Variants in BMPR1B observed in about 807,000 individuals in gnomAD.
BMPR1B encodes bone morphogenetic protein receptor type 1B, also known as bone morphogenetic protein receptor type-1B.
Under a neutral mutation model 59.1 loss-of-function variants are expected in BMPR1B, and 12 were observed. The observed-to-expected ratio is 0.20, with a 90% CI of 0.13 to 0.33. BMPR1B has a LOEUF of 0.33. BMPR1B is among the 10% of genes least tolerant of loss of function. BMPR1B has a pLI of 1.00. For missense variants in BMPR1B, 550 were observed against 610.9 expected, an observed-to-expected ratio of 0.90 and a Z score of 1.05; for synonymous variants, 237 against 207.3, an observed-to-expected ratio of 1.14 and a Z score of -1.23.
chr4:95,095,345 T>G (rs1730290120), intron 3 of BMPR1B, among the ~76,000 whole-genome samples: 1 of 152,142 alleles, frequency 6.6e-6, no homozygotes, highest in East Asian at 1.9e-4. Context: ...TTTAAACTAG[T>G]TTTGGTTAAG....
chr4:94,990,661 A>G (rs1290203597), intron 2 of BMPR1B, among the ~76,000 whole-genome samples: 4 of 146,008 alleles, frequency 2.7e-5, no homozygotes, highest in Admixed American at 7.1e-5. Flanking sequence ...CTCAACCTCT[A>G]TGCTGGAATG....
chr4:95,003,737 A>G (rs1034084711), intron 3 of BMPR1B, among the ~76,000 whole-genome samples: 1 of 151,526 alleles, frequency 6.6e-6, no homozygotes, highest in Non-Finnish European at 1.5e-5. Context: ...AAGTAACATG[A>G]TAACCTCACA....
intron 2 of BMPR1B, among the ~76,000 whole-genome samples, chr4:94,970,813 A>G (rs1730764687): frequency 1.3e-5 from 2 of 152,260 alleles, no homozygotes; most frequent in African/African-American, 4.8e-5. Context: ...TCTTCCAGCT[A>G]TTATGAAATA....
chr4:94,932,444 A>T (rs943491193), intron 2 of BMPR1B, among the ~76,000 whole-genome samples: 2 of 152,198 alleles, frequency 1.3e-5, no homozygotes, highest in Admixed American at 6.6e-5. Flanking sequence ...ACTTTAAAAA[A>T]GTTGGCAATG....
chr4:95,033,174 A>G (rs1452509879), intron 3 of BMPR1B, among the ~76,000 whole-genome samples: 1 of 152,104 alleles, frequency 6.6e-6, no homozygotes, highest in African/African-American at 2.4e-5. Flanking sequence ...AGATTTTTAT[A>G]TATTCTCAAT....
intron 2 of BMPR1B, among the ~76,000 whole-genome samples, chr4:94,932,636 T>C (rs1729134664): frequency 6.6e-6 from 1 of 152,102 alleles, no homozygotes; most frequent in Admixed American, 6.6e-5. Flanking sequence ...CATACCCACA[T>C]ACACCCCTTT....
At chr4:94,823,280 G>C (rs1190588978) in intron 1 of BMPR1B, among the ~76,000 whole-genome samples, 2 of 152,218 alleles carry the variant, frequency 1.3e-5, no homozygotes, top group African/African-American at 4.8e-5. Context: ...AGCTAGAATG[G>C]AAGTGGGCAG....
chr4:94,990,397 G>C (rs539006599), intron 2 of BMPR1B, among the ~76,000 whole-genome samples: 2 of 152,198 alleles, frequency 1.3e-5, no homozygotes, highest in East Asian at 3.9e-4. Context: ...GCAAAAACTT[G>C]TTTATAGCAG....
At chr4:95,089,231 G>T (rs886333958) in intron 3 of BMPR1B, among the ~76,000 whole-genome samples, 3 of 152,046 alleles carry the variant, frequency 2.0e-5, no homozygotes, top group Non-Finnish European at 4.4e-5. Flanking sequence ...TGTTGGTGTG[G>T]CTTAAAATAC....
At chr4:95,061,656 A>T (rs547309175) in intron 3 of BMPR1B, among the ~76,000 whole-genome samples, 2 of 152,232 alleles carry the variant, frequency 1.3e-5, no homozygotes, top group African/African-American at 4.8e-5. Flanking sequence ...AAGTCTCACT[A>T]TTAGTACTAG....
chr4:94,905,667 T>C (rs1728009487), intron 2 of BMPR1B, among the ~76,000 whole-genome samples: 1 of 152,028 alleles, frequency 6.6e-6, no homozygotes, highest in Non-Finnish European at 1.5e-5. Flanking sequence ...TCTGCATTCC[T>C]TTGCATAGCC....
intron 2 of BMPR1B, among the ~76,000 whole-genome samples, chr4:94,921,201 T>TG: frequency 6.6e-6 from 1 of 152,244 alleles, no homozygotes; most frequent in South Asian, 2.1e-4. Context: ...AGGATATTTT[T>TG]GAGGTACAAT....
chr4:95,144,445 C>T (rs1482088494), intron 10 of BMPR1B, among the ~76,000 whole-genome samples: 1 of 151,352 alleles, frequency 6.6e-6, no homozygotes, highest in Admixed American at 6.6e-5. Flanking sequence ...TCCCAAAATG[C>T]TGAGATTACA....
At chr4:95,000,111 G>A (rs1722335738) in intron 3 of BMPR1B, among the ~76,000 whole-genome samples, 2 of 152,096 alleles carry the variant, frequency 1.3e-5, no homozygotes, top group South Asian at 4.1e-4. Flanking sequence ...TGAACAATTT[G>A]GAGTGACTTA....
At chr4:94,887,521 TAAAAAC>T (rs892695749) in intron 2 of BMPR1B, among the ~76,000 whole-genome samples, 3 of 150,540 alleles carry the variant, frequency 2.0e-5, no homozygotes, top group African/African-American at 7.3e-5. Flanking sequence ...ATTTAAAAAT[TAAAAAC>T]AAATAGAAAA....
intron 7 of BMPR1B, among the ~76,000 whole-genome samples, 192 bp from the exon 8 acceptor site, chr4:95,124,791 T>A (rs1015870011): frequency 6.6e-6 from 1 of 152,064 alleles, no homozygotes; most frequent in African/African-American, 2.4e-5. Context: ...TAGTTTATTT[T>A]AAAAAATAGG....
chr4:94,977,479 C>CTTTTTTTT (rs5741894), intron 2 of BMPR1B, among the ~76,000 whole-genome samples: 7 of 138,836 alleles, frequency 5.0e-5, no homozygotes, highest in African/African-American at 5.3e-5. Context: ...AGCAAGATGC[C>CTTTTTTTT]TTTTTTTTTT....
chr4:94,777,024 A>G (rs962488920), intron 1 of BMPR1B, among the ~76,000 whole-genome samples: 1 of 152,258 alleles, frequency 6.6e-6, no homozygotes, highest in Admixed American at 6.5e-5. Context: ...ATTTTTCAAA[A>G]TACTGTTTTA....
At chr4:95,023,627 T>A (rs1188279049) in intron 3 of BMPR1B, among the ~76,000 whole-genome samples, 1 of 151,978 alleles carries the variant, frequency 6.6e-6, no homozygotes, top group Non-Finnish European at 1.5e-5. Context: ...GCTCAAGCAA[T>A]CCTCCTGATT....
Sources: gnomAD v4.1 joint callset for allele counts (sites outside exome capture counted in the v4.1 genomes callset) on GRCh38, gnomAD v4.1.1 for gene constraint, MANE v1.5 for transcripts, NCBI Gene and HGNC (gene_info 2026-07-23, HGNC 2026-07-21) for gene names.